The following DHRS12 variants were observed in gnomAD, a reference collection of about 807,000 sequenced individuals.
The protein encoded by DHRS12 is dehydrogenase/reductase 12.
A neutral mutation model predicts 32.1 loss-of-function variants in DHRS12; 29 were observed. The ratio of observed to expected loss-of-function variants is 0.90; its 90% CI spans 0.67 to 1.23. The LOEUF (loss-of-function observed/expected upper bound fraction) is 1.23, where lower values mean the gene tolerates loss of function less well. Among genes scored for constraint, DHRS12 ranks in the 50% most tolerant of loss-of-function variants. The probability of loss-of-function intolerance (pLI) is 0.00; values close to 1 mark genes in which losing one functional copy is unlikely to be tolerated. For synonymous variants in DHRS12, 150 were observed against 135.9 expected, an observed-to-expected ratio of 1.10 and a Z score of -0.72; for missense variants, 330 against 337.2, an observed-to-expected ratio of 0.98 and a Z score of 0.17.
chr13:51,764,448 A>G (rs1700544935), downstream of DHRS12: 1 of 153,094 alleles, frequency 6.5e-6, no homozygotes, highest in Non-Finnish European at 1.5e-5. Context: ...CAGAAACAGC[A>G]TAAACAAACA....
At chr13:51,784,672 A>G (rs542582296) in intron 4 of DHRS12, among the ~76,000 whole-genome samples, 24 of 152,358 alleles carry the variant, frequency 1.6e-4, no homozygotes, top group African/African-American at 5.3e-4. Flanking sequence ...AGGATAGCTC[A>G]GGTAAAGGTT....
chr13:51,804,006 C>T (rs577117067), intron 1 of DHRS12, 48 bp downstream of exon 1: 2 of 1,419,430 alleles, frequency 1.4e-6, no homozygotes, highest in Non-Finnish European at 1.8e-6. Context: ...CGCGCCGAGG[C>T]GGGCCACGTG....
At chr13:51,758,157 C>T in the DHRS12 span, 2 of 1,505,888 alleles carry the variant, frequency 1.3e-6, no homozygotes, top group Non-Finnish European at 1.8e-6. Flanking sequence ...ATGTCACCAC[C>T]TTTTCCCCTC....
In DHRS12 at chr13:51,791,284, A is replaced by G. The variant is rs571897905; in HGVS notation, c.127-27T>C. The stretch of plus-strand genomic sequence containing the variant: ...TAAATTAGAAAGCAAAAAAAAAAAA[A>G]ACCCTTTTTAAAAAGATATAAACTA... On this transcript the variant is annotated intron_variant, in intron 2 of 8. Coordinates refer to ENST00000444610, the MANE Select transcript of DHRS12 (RefSeq NM_001377533.1). The G allele has an allele frequency of 7.5e-6, 10 of 1,326,458 alleles. No individual in the cohort carries two copies. The South Asian group carries it at 1.3e-4, about 18-fold the overall frequency. The allele number at this position is 1,326,458 out of a possible 1,614,324, so 82.2% of individuals were successfully genotyped here.
intron 4 of DHRS12, chr13:51,789,552 G>A: frequency 3.0e-6 from 3 of 985,440 alleles, no homozygotes; most frequent in African/African-American, 3.5e-5. Context: ...CCACTGGCCT[G>A]ATATAAAATG....
At chr13:51,793,744 C>T (rs114073915) in intron 2 of DHRS12, among the ~76,000 whole-genome samples, 207 of 152,334 alleles carry the variant, frequency 1.4e-3, no homozygotes, top group African/African-American at 4.5e-3. Context: ...TGAGTCTAGA[C>T]ACCTAATCCT....
At chr13:51,797,810 G>C in intron 2 of DHRS12, 1 of 1,534,376 alleles carries the variant, frequency 6.5e-7, no homozygotes, top group South Asian at 1.2e-5. Context: ...AGCAGGAGGG[G>C]TGAGGAGCTG....
At chr13:51,771,362 C>A (rs542705422) in intron 7 of DHRS12, 7 of 1,613,184 alleles carry the variant, frequency 4.3e-6, no homozygotes, top group South Asian at 2.2e-5. Context: ...TGCTCCAACA[C>A]GCTTCCAGAT....
intron 6 of DHRS12, among the ~76,000 whole-genome samples, chr13:51,772,462 A>G (rs557504089): frequency 6.6e-6 from 1 of 152,300 alleles, no homozygotes; most frequent in Non-Finnish European, 1.5e-5. Context: ...GTCTCTACTA[A>G]AAATGCAAAA....
chr13:51,774,468 C>T (rs1954250939), intron 5 of DHRS12: 1 of 82,884 alleles, frequency 1.2e-5, no homozygotes, highest in Non-Finnish European at 2.2e-5. Context: ...TATTCTCCTA[C>T]AGTATTCTCC....
At chr13:51,794,444 T>C (rs775753424) in intron 2 of DHRS12, among the ~76,000 whole-genome samples, 5 of 152,206 alleles carry the variant, frequency 3.3e-5, no homozygotes, top group Non-Finnish European at 7.3e-5. Flanking sequence ...CACTGAGGTC[T>C]TGGGAAGCTA....
At chr13:51,798,277 T>C (rs1268122707) in intron 2 of DHRS12, among the ~76,000 whole-genome samples, 1 of 152,170 alleles carries the variant, frequency 6.6e-6, no homozygotes, top group Non-Finnish European at 1.5e-5. Flanking sequence ...ATCTAGGCGA[T>C]AGGCCCAGGA....
chr13:51,771,301 C>T (rs1327820994), intron 7 of DHRS12: 1 of 1,568,232 alleles, frequency 6.4e-7, no homozygotes, highest in South Asian at 1.2e-5. Context: ...TGCCTGAGGT[C>T]ATGGAGTTGG....
chr13:51,763,746 T>A (rs1456502064), downstream of DHRS12: 1 of 152,228 alleles, frequency 6.6e-6, no homozygotes, highest in Non-Finnish European at 1.5e-5. Flanking sequence ...TGCAGTGAGC[T>A]ATGATTGCAC....
chr13:51,790,871 A>T (rs1403184212), intron 3 of DHRS12, among the ~76,000 whole-genome samples: 5 of 152,212 alleles, frequency 3.3e-5, no homozygotes, highest in Non-Finnish European at 7.3e-5. Flanking sequence ...CCCCAAATCT[A>T]CAGAATTGAG....
At chr13:51,786,403 G>A (rs536582094) in intron 4 of DHRS12, among the ~76,000 whole-genome samples, 6 of 152,094 alleles carry the variant, frequency 3.9e-5, no homozygotes, top group Non-Finnish European at 5.9e-5. Context: ...CACTCCTCAT[G>A]GACTCTTAAT....
At chr13:51,759,659 T>C in the DHRS12 span, 1 of 1,397,016 alleles carries the variant, frequency 7.2e-7, no homozygotes, top group African/African-American at 1.4e-5. Context: ...TGAAAAAAAT[T>C]TCCTTGAAGA....
At chr13:51,766,840 C>T (rs1449229355), downstream of DHRS12, 3 of 152,192 alleles carry the variant, frequency 2.0e-5, no homozygotes, top group African/African-American at 7.2e-5. Context: ...ACGCACACAC[C>T]GACAACCTTG....
At chr13:51,803,871 G>T in intron 1 of DHRS12, 183 bp downstream of exon 1, 1 of 464,588 alleles carries the variant, frequency 2.2e-6, no homozygotes, top group Non-Finnish European at 3.4e-6. Context: ...CTGGAGTCTG[G>T]CGACTGCCCC....
Sources: gnomAD v4.1 joint callset for allele counts (sites outside exome capture counted in the v4.1 genomes callset) on GRCh38, gnomAD v4.1.1 for gene constraint, MANE v1.5 for transcripts, NCBI Gene and HGNC (gene_info 2026-07-23, HGNC 2026-07-21) for gene names.